CACNA2D3: variants seen among roughly 807,000 people sequenced by gnomAD.
CACNA2D3 encodes the protein voltage-dependent calcium channel subunit alpha-2/delta-3.
CACNA2D3 carries 60 observed loss-of-function variants against 160.6 expected under a neutral mutation model. That is an observed-to-expected ratio of 0.37 (90% CI 0.30 to 0.46). The LOEUF is 0.46. Among genes scored for constraint, CACNA2D3 ranks in the 20% least tolerant of loss-of-function variants. The pLI is 1.00. For synonymous variants in CACNA2D3, 558 were observed against 492.9 expected (o/e 1.13, Z -1.75); for missense variants, 1,205 against 1,365.0 (o/e 0.88, Z 1.85).
At chr3:54,501,570 C>T (rs1042165412) in intron 4 of CACNA2D3, among the ~76,000 whole-genome samples, 2 of 151,382 alleles carry the variant, frequency 1.3e-5, no homozygotes, top group East Asian at 3.9e-4. Context: ...CTGCAACCGA[C>T]TAATTTGCCT....
At chr3:54,809,838 G>T (rs913199942) in intron 13 of CACNA2D3, among the ~76,000 whole-genome samples, 2 of 151,574 alleles carry the variant, frequency 1.3e-5, no homozygotes, top group African/African-American at 4.9e-5. Flanking sequence ...CTTACCAAGG[G>T]CCAGGCATAG....
intron 10 of CACNA2D3, chr3:54,639,892 T>A (rs372411221): frequency 6.6e-5 from 10 of 152,050 alleles, no homozygotes; most frequent in African/African-American, 1.5e-4. Flanking sequence ...TTTATAGGAT[T>A]TGGTTAGGTA....
At chr3:54,241,229 A>T (rs1418089883) in intron 2 of CACNA2D3, among the ~76,000 whole-genome samples, 1 of 152,176 alleles carries the variant, frequency 6.6e-6, no homozygotes, top group Non-Finnish European at 1.5e-5. Flanking sequence ...GAAAAATCTC[A>T]GTGCTGGCCT....
At chr3:54,989,191 G>T (rs1242303156) in intron 31 of CACNA2D3, among the ~76,000 whole-genome samples, 1 of 152,192 alleles carries the variant, frequency 6.6e-6, no homozygotes, top group Non-Finnish European at 1.5e-5. Flanking sequence ...TCGCACACGT[G>T]TTTCTCATTT....
chr3:54,924,474 C>T (rs1700952471), intron 27 of CACNA2D3: 2 of 657,714 alleles, frequency 3.0e-6, no homozygotes, highest in East Asian at 5.1e-5. Flanking sequence ...GACTCTTTTG[C>T]CATACCGTGA....
intron 11 of CACNA2D3, among the ~76,000 whole-genome samples, chr3:54,711,503 A>G (rs1309591643): frequency 2.6e-5 from 4 of 152,162 alleles, no homozygotes; most frequent in Non-Finnish European, 5.9e-5. Flanking sequence ...ATCTCTTTTT[A>G]TCTTATAAAA....
intron 2 of CACNA2D3, among the ~76,000 whole-genome samples, chr3:54,160,652 A>G (rs1162733518): frequency 1.3e-5 from 2 of 152,196 alleles, no homozygotes; most frequent in African/African-American, 4.8e-5. Flanking sequence ...TGGCATTGTC[A>G]TATATGTTTT....
intron 5 of CACNA2D3, among the ~76,000 whole-genome samples, chr3:54,504,249 C>G (rs746842077): frequency 3.3e-5 from 5 of 152,162 alleles, no homozygotes; most frequent in Non-Finnish European, 5.9e-5. Context: ...CAAATCCAGT[C>G]TTCACATAAA....
At chr3:54,763,747 G>A (rs376785533) in intron 12 of CACNA2D3, among the ~76,000 whole-genome samples, 2,367 of 31,326 alleles carry the variant, frequency 0.076, 530 homozygotes, top group Non-Finnish European at 0.13. Flanking sequence ...GTATATATGT[G>A]CATATATATA....
In CACNA2D3 at chr3:54,569,870, G is replaced by C; in HGVS notation, c.737+15G>C. ...AACCGAAAATGGTAGGCAGTGGTCA[G>C]ACCTCTTTGTTATTTCTCAAAGAGA... On this transcript the variant is annotated intron_variant, in intron 7 of 37. Transcript: ENST00000474759. The C allele has an allele frequency of 6.2e-7, 1 of 1,610,684 alleles. No homozygotes were observed. Among genetic ancestry groups the C allele is most frequent in the Non-Finnish European group, 8.5e-7 (1 of 1,178,014 alleles).
chr3:54,885,076 G>A (rs1699889972), intron 21 of CACNA2D3, among the ~76,000 whole-genome samples: 1 of 152,138 alleles, frequency 6.6e-6, no homozygotes, highest in Non-Finnish European at 1.5e-5. Flanking sequence ...GCTGGGCTGA[G>A]TGAGGTAGAG....
intron 11 of CACNA2D3, among the ~76,000 whole-genome samples, chr3:54,734,143 A>AAG (rs922631664): frequency 2.6e-5 from 4 of 152,172 alleles, no homozygotes; most frequent in Admixed American, 2.6e-4. Context: ...ATCGTTGTCC[A>AAG]AGAGGCTGGG....
intron 2 of CACNA2D3, among the ~76,000 whole-genome samples, chr3:54,229,198 T>C (rs1701725707): frequency 6.6e-6 from 1 of 152,036 alleles, no homozygotes; most frequent in African/African-American, 2.4e-5. Context: ...TAATTAATTT[T>C]TTTTTTTTTT....
Position 54,931,047 on chromosome 3 carries a change from GAT to G in CACNA2D3, c.2449+31180_2449+31181del, listed in dbSNP as rs1701176094. ...GGAGGCAGAGGTTGTAGTGAGCCGA[GAT>G]CGTGCCACTGTACTCCAGCCTGGGT... On this transcript the variant is annotated intron_variant, in intron 27 of 37. Coordinates refer to ENST00000474759, the MANE Select transcript of CACNA2D3 (RefSeq NM_018398.3). Among the ~76,000 whole-genome samples the G allele has an allele frequency of 2.0e-5, 3 of 152,208 alleles. No individual in the cohort carries two copies. The South Asian group carries it at 6.2e-4, about 31-fold the overall frequency.
chr3:54,217,534 G>A (rs1248679054), intron 2 of CACNA2D3, among the ~76,000 whole-genome samples: 1 of 152,178 alleles, frequency 6.6e-6, no homozygotes, highest in African/African-American at 2.4e-5. Context: ...GGCCCTAAAT[G>A]CTCTCACAAG....
chr3:54,604,084 A>G (rs544844523), intron 9 of CACNA2D3, among the ~76,000 whole-genome samples: 1 of 152,210 alleles, frequency 6.6e-6, no homozygotes, highest in Admixed American at 6.5e-5. Flanking sequence ...GCATCAGTAT[A>G]TTAATATTTG....
intron 35 of CACNA2D3, among the ~76,000 whole-genome samples, chr3:55,049,138 C>T (rs923489209): frequency 6.6e-6 from 1 of 151,934 alleles, no homozygotes; most frequent in Admixed American, 6.5e-5. Flanking sequence ...TTCTTCCCTT[C>T]TGCTAGCTTT....
intron 2 of CACNA2D3, among the ~76,000 whole-genome samples, chr3:54,290,283 A>C (rs1703155107): frequency 6.6e-6 from 1 of 152,260 alleles, no homozygotes; most frequent in Non-Finnish European, 1.5e-5. Flanking sequence ...GAAGACATTT[A>C]TGCAGCCAAA....
intron 3 of CACNA2D3, among the ~76,000 whole-genome samples, chr3:54,339,024 T>C (rs149184420): frequency 1.8e-4 from 28 of 152,322 alleles, no homozygotes; most frequent in Non-Finnish European, 3.1e-4. Context: ...GCAACCGGTA[T>C]TAATCCTGGA....
Sources: gnomAD v4.1 joint callset for allele counts (sites outside exome capture counted in the v4.1 genomes callset) on GRCh38, gnomAD v4.1.1 for gene constraint, MANE v1.5 for transcripts, NCBI Gene and HGNC (gene_info 2026-07-23, HGNC 2026-07-21) for gene names.